RAPGEF4: variants seen among roughly 807,000 people sequenced by gnomAD.
RAPGEF4 encodes the protein Rap guanine nucleotide exchange factor 4.
RAPGEF4 carries 66 observed loss-of-function variants against 147.9 expected under a neutral mutation model. That is an observed-to-expected ratio of 0.45 (90% CI 0.37 to 0.55). The LOEUF (loss-of-function observed/expected upper bound fraction) is 0.55. RAPGEF4 is among the 20% of genes least tolerant of loss of function. The pLI is 0.00. For synonymous variants in RAPGEF4, 419 were observed against 442.7 expected, an observed-to-expected ratio of 0.95 and a Z score of 0.67; for missense variants, 1,071 against 1,257.3, an observed-to-expected ratio of 0.85 and a Z score of 2.24.
chr2:172,775,925 A>G (rs1455819984), intron 1 of RAPGEF4, among the ~76,000 whole-genome samples: 1 of 152,142 alleles, frequency 6.6e-6, no homozygotes, highest in East Asian at 1.9e-4. Context: ...TATTACTACT[A>G]TATAATCTTT....
intron 14 of RAPGEF4, among the ~76,000 whole-genome samples, chr2:172,989,484 C>G (rs1340820292): frequency 6.6e-6 from 1 of 152,148 alleles, no homozygotes; most frequent in East Asian, 1.9e-4. Context: ...TGCAATTGCA[C>G]TTAAAAGTTG....
chr2:173,046,092 C>T (rs1037443813), intron 29 of RAPGEF4, among the ~76,000 whole-genome samples: 5 of 152,138 alleles, frequency 3.3e-5, no homozygotes, highest in Non-Finnish European at 5.9e-5. Flanking sequence ...CATTATTGTC[C>T]GGACCTCACA....
intron 23 of RAPGEF4, among the ~76,000 whole-genome samples, 184 bp downstream of exon 23, chr2:173,020,899 C>A (rs1323739313): frequency 6.6e-6 from 1 of 152,140 alleles, no homozygotes; most frequent in Admixed American, 6.5e-5. Context: ...TTTTGATTTT[C>A]TTTTGTGAAA....
At chr2:172,760,717 CAAAA>C (rs768839615) in intron 1 of RAPGEF4, among the ~76,000 whole-genome samples, 1 of 74,230 alleles carries the variant, frequency 1.3e-5, no homozygotes. Context: ...GACTCCATCT[CAAAA>C]AAAAAAAAAA....
intron 10 of RAPGEF4, among the ~76,000 whole-genome samples, chr2:172,980,402 G>T (rs1161372109): frequency 1.3e-5 from 2 of 152,148 alleles, no homozygotes; most frequent in Non-Finnish European, 2.9e-5. Flanking sequence ...GAAGTTGAGG[G>T]TTTTTCCCAG....
chr2:172,983,691 T>A, intron 11 of RAPGEF4, 111 bp downstream of exon 11: 1 of 1,478,282 alleles, frequency 6.8e-7, no homozygotes, highest in South Asian at 1.4e-5. Flanking sequence ...GATTTTCACC[T>A]CATAAATCAC....
chr2:172,828,717 A>G (rs1172955706), intron 4 of RAPGEF4, among the ~76,000 whole-genome samples: 1 of 152,074 alleles, frequency 6.6e-6, no homozygotes, highest in African/African-American at 2.4e-5. Flanking sequence ...CCCTTTGCCT[A>G]CAGTCACCTT....
intron 4 of RAPGEF4, among the ~76,000 whole-genome samples, chr2:172,873,000 A>G (rs1424892919): frequency 6.6e-6 from 1 of 152,190 alleles, no homozygotes; most frequent in East Asian, 1.9e-4. Flanking sequence ...ACTTGGGTGC[A>G]TTAGTCAAAT....
At chr2:172,842,537 A>G (rs1691730055) in intron 4 of RAPGEF4, among the ~76,000 whole-genome samples, 1 of 152,230 alleles carries the variant, frequency 6.6e-6, no homozygotes, top group Non-Finnish European at 1.5e-5. Flanking sequence ...AACACACAGG[A>G]GGCTGGCATC....
At chr2:172,821,737 T>TAA (rs35414922) in intron 4 of RAPGEF4, 52,157 of 788,458 alleles carry the variant, frequency 0.066, 1,133 homozygotes, top group East Asian at 0.33. Context: ...TAACTAAAGT[T>TAA]AAAAAAAAAA....
chr2:173,043,712 G>GTGAC (rs1261723594), intron 29 of RAPGEF4, among the ~76,000 whole-genome samples: 1 of 152,242 alleles, frequency 6.6e-6, no homozygotes, highest in Non-Finnish European at 1.5e-5. Context: ...CCACAGAAGG[G>GTGAC]TGACGCCTGC....
chr2:172,880,273 T>G (rs1484825770), intron 4 of RAPGEF4, among the ~76,000 whole-genome samples: 1 of 152,212 alleles, frequency 6.6e-6, no homozygotes, highest in African/African-American at 2.4e-5. Context: ...CAGCTATCAT[T>G]AGATTCAATA....
intron 4 of RAPGEF4, among the ~76,000 whole-genome samples, chr2:172,911,462 T>C (rs995322316): frequency 6.6e-6 from 1 of 151,880 alleles, no homozygotes; most frequent in Admixed American, 6.6e-5. Flanking sequence ...CTTTTCTGCC[T>C]TTTTTGTTTT....
intron 6 of RAPGEF4, among the ~76,000 whole-genome samples, chr2:172,953,177 T>A (rs1283869621): frequency 6.6e-6 from 1 of 150,448 alleles, no homozygotes; most frequent in Non-Finnish European, 1.5e-5. Context: ...ACTTAAAAAA[T>A]ATATATATAA....
chr2:172,878,516 AC>A (rs1280365914), intron 4 of RAPGEF4, among the ~76,000 whole-genome samples: 11 of 152,342 alleles, frequency 7.2e-5, no homozygotes, highest in East Asian at 1.9e-4. Context: ...TGTTAAAAAA[AC>A]ATCCAAGTTT....
chr2:172,988,939 G>A (rs1692547444), intron 14 of RAPGEF4, 100 bp downstream of exon 14: 9 of 1,314,788 alleles, frequency 6.8e-6, no homozygotes, highest in Admixed American at 5.9e-5. Context: ...GTCCTGTGAT[G>A]AATGAGTGCT....
At chr2:173,036,722 A>T in intron 29 of RAPGEF4, 30 bp downstream of exon 29, 1 of 1,480,980 alleles carries the variant, frequency 6.8e-7, no homozygotes, top group South Asian at 1.2e-5. Flanking sequence ...CTTAACCACA[A>T]TGTGTTTTTA....
intron 29 of RAPGEF4, among the ~76,000 whole-genome samples, chr2:173,047,963 A>ACTGCAC (rs1685712100): frequency 6.6e-6 from 1 of 152,220 alleles, no homozygotes; most frequent in South Asian, 2.1e-4. Flanking sequence ...GGCGTGAGCC[A>ACTGCAC]CTGCACCTGG....
chr2:173,020,505 C>T, intron 22 of RAPGEF4, 113 bp from the exon 23 acceptor site: 2 of 852,256 alleles, frequency 2.3e-6, no homozygotes, highest in Admixed American at 1.8e-5. Flanking sequence ...TTTATGCAGT[C>T]ACTCTGCGTG....
Sources: allele counts gnomAD v4.1 joint callset (sites outside exome capture counted in the v4.1 genomes callset), GRCh38; gene constraint gnomAD v4.1.1; transcripts MANE v1.5; gene names NCBI Gene and HGNC (gene_info 2026-07-23, HGNC 2026-07-21).